Variants in IQGAP3 observed in about 807,000 individuals in gnomAD.
IQGAP3 encodes ras GTPase-activating-like protein IQGAP3.
Under a neutral mutation model 208.2 loss-of-function variants are expected in IQGAP3, and 165 were observed. That is an observed-to-expected ratio of 0.79 (90% CI 0.70 to 0.90). IQGAP3 has a LOEUF of 0.90. Among genes scored for constraint, IQGAP3 ranks in the 40% least tolerant of loss-of-function variants. IQGAP3 has a pLI of 0.00. For missense variants in IQGAP3, 1,811 were observed against 2,043.1 expected, an observed-to-expected ratio of 0.89 and a Z score of 2.19; for synonymous variants, 703 against 803.6, an observed-to-expected ratio of 0.87 and a Z score of 2.12.
intron 1 of IQGAP3, 86 bp downstream of exon 1, chr1:156,572,407 C>T: frequency 7.0e-7 from 1 of 1,422,560 alleles, no homozygotes; most frequent in Non-Finnish European, 9.8e-7. Context: ...TCACGCCCGA[C>T]ACACGCCCCA....
chr1:156,527,256 C>T (rs191187061), intron 37 of IQGAP3, among the ~76,000 whole-genome samples: 2,073 of 151,052 alleles, frequency 0.014, 21 homozygotes, highest in Middle Eastern at 0.024. Flanking sequence ...CTGAGGCGGG[C>T]GGATCACAAG....
chr1:156,548,341 T>TG lies in IQGAP3; in HGVS notation c.2133+6dup. On this transcript the variant is annotated splice_region_variant and intron_variant, in intron 18 of 37. Transcript: ENST00000361170. ...AGATCCCCTACCCTTGCAGGGGCTC[T>TG]GCCAACCTGGATCTCCTCCCGGGTC... 6.2e-7 allele frequency: 1 copy of TG among 1,612,996 alleles called. No homozygotes were observed. Among genetic ancestry groups the TG allele is most frequent in the Non-Finnish European group, 8.5e-7 (1 of 1,179,326 alleles).
chr1:156,540,651 A>T, intron 23 of IQGAP3, 57 bp downstream of exon 23: 1 of 1,471,334 alleles, frequency 6.8e-7, no homozygotes, highest in Non-Finnish European at 9.5e-7. Context: ...AATGGTCAGC[A>T]TCACATCTCC....
chr1:156,556,533 C>A lies in IQGAP3; in HGVS notation c.1290G>T (p.Gly430=), dbSNP rs774040046. Residue 430 remains glycine, a splice_region_variant and synonymous_variant, in exon 12 of 38, where the codon GGG becomes GGT. Coordinates refer to ENST00000361170, the MANE Select transcript of IQGAP3 (RefSeq NM_178229.5). ...CTAGACCCACATTTCTGGGGCTTAC[C>A]CCCTGCTGCTGCTGGAGCACTGCCA... The part of the protein sequence containing the change: ...LELAVLQQQQ[G]ELGQEELFVA... 6 of 1,614,044 alleles carry A rather than the reference C, an allele frequency of 3.7e-6. No individual in the cohort carries two copies. Among genetic ancestry groups the A allele is most frequent in the Non-Finnish European group, 5.1e-6 (6 of 1,179,998 alleles).
At position 156,554,217 on chromosome 1, in the gene IQGAP3, T is replaced by C. The variant is rs1675708019; in HGVS notation, c.1448+18A>G. ...TCCCCCATCCCTCACTCCCAATGTG[T>C]GGCTAAGCCTTTCTCACCGCTGGGC... On this transcript the variant is annotated intron_variant, in intron 13 of 37. Transcript: ENST00000361170. The C allele has an allele frequency of 6.3e-7, 1 of 1,589,586 alleles. No homozygotes were observed. Among genetic ancestry groups the C allele is most frequent in the African/African-American group, 1.4e-5 (1 of 73,762 alleles).
At chr1:156,553,003 G>A (rs4661046) in intron 13 of IQGAP3, among the ~76,000 whole-genome samples, 93,607 of 151,976 alleles carry the variant, frequency 0.62, 29,382 homozygotes, top group Non-Finnish European at 0.68. Context: ...GAGCCCAGGA[G>A]TTCAGGGATG....
In IQGAP3 at chr1:156,531,212, T is replaced by A. The variant is rs757288842; in HGVS notation, c.4139A>T (p.His1380Leu). The change falls in exon 33 of 38, where the codon CAT becomes CTT. Residue 1380 changes from histidine (H) to leucine (L), a missense_variant. Transcript: ENST00000361170. ...KQLLADIIQF[H>L]PGDTLKEILS... ...GATCTCCTTGAGGGTGTCCCCAGGA[T>A]GGAACTGTATGATATCGGCCAACAG... The A allele has an allele frequency of 6.2e-7, 1 of 1,613,802 alleles. No homozygotes were observed. The highest frequency in any genetic ancestry group is 8.5e-7 in the Non-Finnish European group (1 of 1,179,884).
rs185418943 is a variant in IQGAP3, at chr1:156,567,844, G to T, written c.126-1298C>A. ...AAGATGATGAGGGAATGTTCTTTAG[G>T]ATTTCAGCTAGTAAATATGGAAGAA... is the stretch of plus-strand genomic sequence containing the variant. On this transcript the variant is annotated intron_variant, in intron 2 of 37. Transcript: ENST00000361170. Among the ~76,000 whole-genome samples, 270 of 152,282 alleles carry T rather than the reference G, an allele frequency of 1.8e-3. 1 individual carries two copies. The highest frequency in any genetic ancestry group is 6.1e-3 in the African/African-American group (254 of 41,564).
Position 156,572,551 on chromosome 1 carries a change from G to T in IQGAP3, c.-22C>A. ...CCATGTTCCTCCTTCTTCCAGGTTT[G>T]AATCTCCCGCCGTTGGGCCACCGCC... On this transcript the variant is annotated 5_prime_UTR_variant, in exon 1 of 38. Transcript: ENST00000361170. 1 of 1,612,652 alleles carries T rather than the reference G, an allele frequency of 6.2e-7. No individual in the cohort carries two copies. Among genetic ancestry groups the T allele is most frequent in the Non-Finnish European group, 8.5e-7 (1 of 1,179,816 alleles).
intron 34 of IQGAP3, among the ~76,000 whole-genome samples, chr1:156,529,372 C>T (rs1674269621): frequency 6.6e-6 from 1 of 152,026 alleles, no homozygotes; most frequent in Admixed American, 6.6e-5. Context: ...TTTTCATGCT[C>T]TTGTGTGAGA....
intron 2 of IQGAP3, 77 bp downstream of exon 2, chr1:156,569,299 G>C: frequency 1.1e-6 from 1 of 889,426 alleles, no homozygotes; most frequent in Non-Finnish European, 1.8e-6. Context: ...TGTTGCATTT[G>C]CTTTAGCGGC....
chr1:156,566,974 C>T (rs190649346), intron 2 of IQGAP3, among the ~76,000 whole-genome samples: 3 of 151,174 alleles, frequency 2.0e-5, no homozygotes, highest in Admixed American at 1.3e-4. Flanking sequence ...TCAAGTGATT[C>T]TCCTGCCTTC....
intron 12 of IQGAP3, 111 bp from the exon 13 acceptor site, chr1:156,554,503 C>T: frequency 2.0e-6 from 2 of 999,424 alleles, no homozygotes; most frequent in Non-Finnish European, 2.8e-6. Flanking sequence ...TATCCCAAAA[C>T]CCCAGTGGCC....
chr1:156,568,519 G>GTT (rs915865003), intron 2 of IQGAP3, among the ~76,000 whole-genome samples: 3 of 152,078 alleles, frequency 2.0e-5, no homozygotes, highest in African/African-American at 7.2e-5. Flanking sequence ...GCCCATCCAG[G>GTT]TTTTTCTGTT....
At chr1:156,552,139 C>A in intron 13 of IQGAP3, 44 bp from the exon 14 acceptor site, 1 of 1,600,978 alleles carries the variant, frequency 6.2e-7, no homozygotes, top group Non-Finnish European at 8.5e-7. Flanking sequence ...GCATGTGAAT[C>A]ATCAGCCAGA....
intron 22 of IQGAP3, among the ~76,000 whole-genome samples, chr1:156,542,491 G>A (rs1191495678): frequency 6.6e-6 from 1 of 152,158 alleles, no homozygotes; most frequent in Non-Finnish European, 1.5e-5. Flanking sequence ...GGCCCGGCCT[G>A]GGGACAAATC....
At chr1:156,538,197 A>T (rs1190406119) in intron 26 of IQGAP3, among the ~76,000 whole-genome samples, 2 of 152,180 alleles carry the variant, frequency 1.3e-5, no homozygotes, top group African/African-American at 4.8e-5. Context: ...AGTAGCTAGG[A>T]CTACAGGTGC....
chr1:156,569,301 T>C, intron 2 of IQGAP3, 75 bp downstream of exon 2: 1 of 919,742 alleles, frequency 1.1e-6, no homozygotes, highest in Non-Finnish European at 1.7e-6. Flanking sequence ...TTGCATTTGC[T>C]TTAGCGGCAG....
In IQGAP3 at chr1:156,537,311, AT is replaced by A. The variant is rs766833912; in HGVS notation, c.3291del (p.Tyr1098MetfsTer9). ...AAGGCCTGCTCCGGGGTGACATCAT[AT>A]GGGAGATGGCTATGAGCAGAGAGAG... is the stretch of plus-strand genomic sequence containing the variant. ...EAQTGQRSHL[P>X]YDVTPEQALS... On this transcript the variant is annotated frameshift_variant, in exon 27 of 38. Coordinates refer to ENST00000361170, the MANE Select transcript of IQGAP3 (RefSeq NM_178229.5). LOFTEE classifies it high-confidence loss of function. 1.2e-6 allele frequency: 2 copies of A among 1,612,978 alleles called. No homozygotes were observed. Among genetic ancestry groups the A allele is most frequent in the Admixed American group, 1.7e-5 (1 of 59,794 alleles).
Sources: allele counts gnomAD v4.1 joint callset (sites outside exome capture counted in the v4.1 genomes callset), GRCh38; gene constraint gnomAD v4.1.1; transcripts MANE v1.5; gene names NCBI Gene and HGNC (gene_info 2026-07-23, HGNC 2026-07-21).